The following XIRP2 variants were observed in gnomAD, a reference collection of about 807,000 sequenced individuals.
XIRP2 encodes xin actin binding repeat containing 2, also known as xin actin-binding repeat-containing protein 2.
XIRP2 carries 236 observed loss-of-function variants against 277.0 expected under a neutral mutation model. The ratio of observed to expected loss-of-function variants is 0.85; its 90% confidence interval spans 0.77 to 0.95. The LOEUF (loss-of-function observed/expected upper bound fraction) is 0.95. Among genes scored for constraint, XIRP2 ranks in the 40% least tolerant of loss-of-function variants. The pLI is 0.00. For missense variants in XIRP2, 4,640 were observed against 4,157.5 expected, an observed-to-expected ratio of 1.12 and a Z score of -3.19; for synonymous variants, 1,490 against 1,416.5, an observed-to-expected ratio of 1.05 and a Z score of -1.17.
At chr2:167,025,340 T>C (rs1688121764) in intron 2 of XIRP2, among the ~76,000 whole-genome samples, 1 of 152,194 alleles carries the variant, frequency 6.6e-6, no homozygotes, top group Non-Finnish European at 1.5e-5. Context: ...TTGATTCTTC[T>C]CTCTTTTCTT....
intron 3 of XIRP2, among the ~76,000 whole-genome samples, chr2:167,152,443 C>A (rs144935960): frequency 2.0e-5 from 3 of 152,142 alleles, no homozygotes; most frequent in African/African-American, 7.2e-5. Flanking sequence ...TTCAACAATT[C>A]TTTGAGTCCT....
chr2:167,053,663 T>C, intron 2 of XIRP2, among the ~76,000 whole-genome samples: 1 of 152,222 alleles, frequency 6.6e-6, no homozygotes, highest in East Asian at 1.9e-4. Context: ...TATTTCATTA[T>C]GTAGTGGTAC....
intron 10 of XIRP2, among the ~76,000 whole-genome samples, chr2:167,255,587 TA>T (rs934154790): frequency 2.0e-5 from 3 of 151,828 alleles, no homozygotes; most frequent in African/African-American, 7.2e-5. Context: ...TCAAAACATT[TA>T]AAAATTACAT....
At chr2:167,194,914 C>T (rs1298546673) in intron 3 of XIRP2, among the ~76,000 whole-genome samples, 1 of 152,106 alleles carries the variant, frequency 6.6e-6, no homozygotes, top group Admixed American at 6.6e-5. Context: ...AATATTACTA[C>T]TATTATTATT....
At chr2:167,074,635 C>CGT (rs72225253) in intron 2 of XIRP2, among the ~76,000 whole-genome samples, 75 of 149,578 alleles carry the variant, frequency 5.0e-4, no homozygotes, top group Middle Eastern at 3.5e-3. Flanking sequence ...TGTGTGTGTG[C>CGT]GTGTGTGTGT....
In XIRP2 at chr2:166,910,471, T is replaced by C. The variant is rs1684669120; in HGVS notation, c.408+6581T>C. The stretch of plus-strand genomic sequence containing the variant: ...ATCGGTGGTGATATTCCCTTTATCA[T>C]TTTTTATGGCATCTATTTGATTCTT... On this transcript the variant is annotated intron_variant, in intron 2 of 10. Coordinates refer to ENST00000409195, the MANE Select transcript of XIRP2 (RefSeq NM_152381.6). 2.0e-5 allele frequency among the ~76,000 whole-genome samples: 3 copies of C among 146,392 alleles called. No homozygotes were observed. In the South Asian group the frequency reaches 6.2e-4, roughly 30 times the overall value.
At chr2:167,041,128 G>A (rs942725715) in intron 2 of XIRP2, among the ~76,000 whole-genome samples, 5 of 152,190 alleles carry the variant, frequency 3.3e-5, no homozygotes. Flanking sequence ...CAGGGTTAGA[G>A]CATGCAGGCT....
At chr2:167,205,214 A>G (rs749234304) in intron 3 of XIRP2, among the ~76,000 whole-genome samples, 83 of 152,202 alleles carry the variant, frequency 5.5e-4, no homozygotes, top group Non-Finnish European at 9.4e-4. Context: ...CACATTGGCT[A>G]TAACACCCTG....
intron 2 of XIRP2, among the ~76,000 whole-genome samples, chr2:166,973,041 A>G (rs1686619725): frequency 6.6e-6 from 1 of 152,156 alleles, no homozygotes; most frequent in Admixed American, 6.6e-5. Flanking sequence ...TTTCTAGCAA[A>G]TTAATTAAAT....
At chr2:166,910,773 C>A (rs1364901202) in intron 2 of XIRP2, among the ~76,000 whole-genome samples, 1 of 152,208 alleles carries the variant, frequency 6.6e-6, no homozygotes, top group Non-Finnish European at 1.5e-5. Context: ...TCCCTCTACA[C>A]ACTGCTTTGA....
chr2:167,010,345 G>T (rs1298994785), intron 2 of XIRP2, among the ~76,000 whole-genome samples: 6 of 151,456 alleles, frequency 4.0e-5, no homozygotes, highest in Non-Finnish European at 8.9e-5. Flanking sequence ...CCCATTGCTT[G>T]TTTTTCTCAG....
rs1196960745 is a variant in XIRP2, at chr2:167,088,931, C to T, written c.409-46978C>T. On this transcript the variant is annotated intron_variant, in intron 2 of 10. Transcript: ENST00000409195. Reference sequence around the variant, plus strand: ...ACAATTTCATTCTCTGTCTTCCCTACTAGAATGTAACCTCCAGGAGGTGAG... The same window carrying T: ...ACAATTTCATTCTCTGTCTTCCCTATTAGAATGTAACCTCCAGGAGGTGAG... 3.4e-4 allele frequency among the ~76,000 whole-genome samples: 52 copies of T among 152,144 alleles called. 1 individual carries two copies. The highest frequency in any genetic ancestry group is 3.3e-3 in the Admixed American group (51 of 15,270).
intron 3 of XIRP2, among the ~76,000 whole-genome samples, chr2:167,195,382 C>A (rs902264537): frequency 6.6e-6 from 1 of 152,210 alleles, no homozygotes; most frequent in Admixed American, 6.5e-5. Flanking sequence ...CTTAGACTCT[C>A]AATATATTCT....
At chr2:167,025,919 A>T (rs549418807) in intron 2 of XIRP2, among the ~76,000 whole-genome samples, 1 of 152,168 alleles carries the variant, frequency 6.6e-6, no homozygotes, top group African/African-American at 2.4e-5. Context: ...TGCTGAAAAA[A>T]ATGTATATTC....
chr2:167,043,591 G>A (rs1442600655), intron 2 of XIRP2, among the ~76,000 whole-genome samples: 2 of 151,944 alleles, frequency 1.3e-5, no homozygotes, highest in African/African-American at 4.8e-5. Flanking sequence ...AGAAAACCTA[G>A]AAGAAATAGA....
intron 2 of XIRP2, among the ~76,000 whole-genome samples, chr2:167,011,531 C>G (rs1376179233): frequency 6.6e-6 from 1 of 151,824 alleles, no homozygotes; most frequent in Non-Finnish European, 1.5e-5. Flanking sequence ...GTCTAAAATG[C>G]TCTGTTTTGG....
At chr2:167,150,042 A>T (rs989209580) in intron 3 of XIRP2, among the ~76,000 whole-genome samples, 1 of 152,042 alleles carries the variant, frequency 6.6e-6, no homozygotes, top group Non-Finnish European at 1.5e-5. Context: ...ACAGAAGCTC[A>T]ATCTCAGCAT....
At chr2:166,923,592 A>G (rs1685109177) in intron 2 of XIRP2, among the ~76,000 whole-genome samples, 1 of 152,088 alleles carries the variant, frequency 6.6e-6, no homozygotes, top group South Asian at 2.1e-4. Context: ...AATCTTAAAG[A>G]AGAGAACTGC....
intron 3 of XIRP2, among the ~76,000 whole-genome samples, chr2:167,138,870 A>C (rs1248301980): frequency 6.6e-6 from 1 of 152,120 alleles, no homozygotes; most frequent in Non-Finnish European, 1.5e-5. Context: ...GTTTGAGACC[A>C]GCCCCGACCA....
Sources: allele counts gnomAD v4.1 joint callset (sites outside exome capture counted in the v4.1 genomes callset), GRCh38; gene constraint gnomAD v4.1.1; transcripts MANE v1.5; gene names NCBI Gene and HGNC (gene_info 2026-07-23, HGNC 2026-07-21).